MYCBP2: variants seen among roughly 807,000 people sequenced by gnomAD.
The protein encoded by MYCBP2 is E3 ubiquitin-protein ligase MYCBP2.
MYCBP2 carries 120 observed loss-of-function variants against 525.3 expected under a neutral mutation model. The ratio of observed to expected loss-of-function variants is 0.23; its 90% CI spans 0.20 to 0.27. The LOEUF (loss-of-function observed/expected upper bound fraction) is 0.27. Among genes scored for constraint, MYCBP2 ranks in the 10% least tolerant of loss-of-function variants. The pLI, the probability that MYCBP2 is intolerant of heterozygous loss-of-function variation, is 1.00. For missense variants in MYCBP2, 4,149 were observed against 5,657.1 expected, an observed-to-expected ratio of 0.73 and a Z score of 8.55; for synonymous variants, 1,894 against 1,955.8, an observed-to-expected ratio of 0.97 and a Z score of 0.83.
intron 1 of MYCBP2, among the ~76,000 whole-genome samples, chr13:77,315,340 CAAGAA>C (rs961608696): frequency 1.3e-5 from 2 of 151,790 alleles, no homozygotes; most frequent in Non-Finnish European, 2.9e-5. Context: ...ACAGGATTAG[CAAGAA>C]AAGAAAAGAA....
At chr13:77,269,221 G>C (rs1044259216) in intron 7 of MYCBP2, among the ~76,000 whole-genome samples, 1 of 152,186 alleles carries the variant, frequency 6.6e-6, no homozygotes, top group Non-Finnish European at 1.5e-5. Flanking sequence ...CATGCAGGTA[G>C]CTGTCTACTG....
intron 59 of MYCBP2, among the ~76,000 whole-genome samples, chr13:77,092,853 T>TGCC (rs2045663898): frequency 6.6e-6 from 1 of 152,192 alleles, no homozygotes; most frequent in Admixed American, 6.5e-5. Flanking sequence ...GTTTAAGATT[T>TGCC]ATTTTCAATG....
In MYCBP2 at chr13:77,309,015, G is replaced by A. The variant is rs979016600; in HGVS notation, c.303-12341C>T. On this transcript the variant is annotated intron_variant, in intron 1 of 82. Transcript: ENST00000544440. ...CATAGATGTTTGCAGAAGACAGTAT[G>A]CAAATGGATGCCAAAGGGATATGGC... Among the ~76,000 whole-genome samples the A allele has an allele frequency of 3.3e-5, 5 of 152,210 alleles. No individual in the cohort carries two copies. In the East Asian group the frequency reaches 9.6e-4, roughly 29 times the overall value.
At chr13:77,314,560 A>G (rs548011248) in intron 1 of MYCBP2, among the ~76,000 whole-genome samples, 1 of 152,200 alleles carries the variant, frequency 6.6e-6, no homozygotes, top group East Asian at 1.9e-4. Context: ...CACATTCTGG[A>G]AAAGGCAAAA....
At position 77,045,757 on chromosome 13, in the gene MYCBP2, C is replaced by T. The variant is rs140450381; in HGVS notation, c.13922-264G>A. On this transcript the variant is annotated intron_variant, in intron 82 of 82. Transcript: ENST00000544440. ...GCCTAGAGAGGATCACTTCGAGCTA[C>T]AGATCTTTTTCTATTAATAAATGCA... 2.0e-4 allele frequency among the ~76,000 whole-genome samples: 31 copies of T among 152,256 alleles called. 1 individual carries two copies. The East Asian group carries it at 6.0e-3, about 29-fold the overall frequency.
At chr13:77,282,863 G>A (rs947609947) in intron 3 of MYCBP2, among the ~76,000 whole-genome samples, 12 of 152,078 alleles carry the variant, frequency 7.9e-5, no homozygotes, top group East Asian at 1.9e-4. Context: ...TTTTTCAGTC[G>A]TTATAGCCAA....
chr13:77,061,356 G>A, intron 75 of MYCBP2, 55 bp from the exon 76 acceptor site: 1 of 1,423,766 alleles, frequency 7.0e-7, no homozygotes, highest in Non-Finnish European at 9.5e-7. Context: ...CTCTGAAAGG[G>A]AGAGTATAAA....
chr13:77,057,840 T>G (rs1220793120), intron 78 of MYCBP2, among the ~76,000 whole-genome samples: 1 of 136,672 alleles, frequency 7.3e-6, no homozygotes, highest in African/African-American at 2.6e-5. Flanking sequence ...ACTGCTTTTT[T>G]TTTTTTTTTT....
intron 21 of MYCBP2, among the ~76,000 whole-genome samples, chr13:77,215,056 T>C (rs77775046): frequency 1.1e-3 from 175 of 152,176 alleles, no homozygotes; most frequent in African/African-American, 3.8e-3. Flanking sequence ...CCTCCAAGTA[T>C]GGAATGAAAG....
intron 1 of MYCBP2, among the ~76,000 whole-genome samples, chr13:77,305,593 T>C (rs2079312652): frequency 2.6e-5 from 4 of 152,132 alleles, no homozygotes; most frequent in Admixed American, 1.3e-4. Context: ...AAATGTTTAG[T>C]TGTATGACTT....
At chr13:77,293,924 A>G (rs1157639218) in intron 2 of MYCBP2, among the ~76,000 whole-genome samples, 10 of 151,818 alleles carry the variant, frequency 6.6e-5, no homozygotes, top group Admixed American at 5.9e-4. Flanking sequence ...CAGAACTGTA[A>G]GATAACGAGT....
intron 24 of MYCBP2, 65 bp downstream of exon 24, chr13:77,206,588 C>CT (rs1461312535): frequency 2.2e-6 from 3 of 1,347,238 alleles, no homozygotes; most frequent in East Asian, 2.5e-5. Flanking sequence ...TTTAAATACT[C>CT]TAAAAAAAAA....
Position 77,126,450 on chromosome 13 carries a change from C to G in MYCBP2, c.7752G>C (p.Leu2584Phe). The G allele has an allele frequency of 6.2e-7, 1 of 1,613,948 alleles. No homozygotes were observed. Among genetic ancestry groups the G allele is most frequent in the Non-Finnish European group, 8.5e-7 (1 of 1,179,882 alleles). ...CCTTGTACATGCCTGGCCCTCCTCGCAAGAATGGCATATCTTGTTCTTGCA... is the reference window on the plus strand; with the variant it reads ...CCTTGTACATGCCTGGCCCTCCTCGGAAGAATGGCATATCTTGTTCTTGCA... ...ATMQEQDMPF[L>F]RGGPGMYKVV... The change falls in exon 53 of 83, where the codon TTG becomes TTC. Residue 2584 changes from leucine (L) to phenylalanine (F), a missense_variant. By Grantham distance (22) the Leu-to-Phe change is conservative. Around this residue, in one of 21 missense-constraint regions of MYCBP2, gnomAD observed 692 missense variants for 852.7 expected, o/e 0.81. Transcript: ENST00000544440.
Position 77,181,739 on chromosome 13 carries a change from A to C in MYCBP2, c.4903T>G (p.Phe1635Val). The change falls in exon 33 of 83, where the codon TTT (phenylalanine) becomes GTT (valine). Residue 1635 changes from phenylalanine to valine, a missense_variant. Physicochemically the swap from Phe to Val is conservative, Grantham distance 50. Coordinates refer to ENST00000544440, the MANE Select transcript of MYCBP2 (RefSeq NM_015057.5). ...TCCATATGTGCCACCAAAAGGGGAA[A>C]ACGATGAACTAGTGTTGAGTCGTTC... Reference protein sequence around the residue: ...TENDSTLVHRFPLLVAHMEKL... With the variant: ...TENDSTLVHRVPLLVAHMEKL... 1 of 1,614,080 alleles carries C rather than the reference A, an allele frequency of 6.2e-7. No homozygotes were observed. The highest frequency in any genetic ancestry group is 8.5e-7 in the Non-Finnish European group (1 of 1,179,972).
intron 44 of MYCBP2, among the ~76,000 whole-genome samples, chr13:77,161,371 C>T (rs548698288): frequency 2.2e-4 from 33 of 152,106 alleles, no homozygotes; most frequent in African/African-American, 6.7e-4. Flanking sequence ...AATGCCTAAA[C>T]GAGCAAAAAA....
intron 1 of MYCBP2, among the ~76,000 whole-genome samples, chr13:77,300,874 C>T (rs138274825): frequency 2.6e-5 from 4 of 152,276 alleles, no homozygotes; most frequent in Non-Finnish European, 4.4e-5. Flanking sequence ...AAGAGCACTT[C>T]CAAGGCAGCT....
chr13:77,167,407 C>T (rs531920420), intron 40 of MYCBP2, among the ~76,000 whole-genome samples: 1 of 152,172 alleles, frequency 6.6e-6, no homozygotes, highest in Non-Finnish European at 1.5e-5. Context: ...AAAGAACCAG[C>T]AGGTAAGCTG....
intron 49 of MYCBP2, among the ~76,000 whole-genome samples, chr13:77,143,072 T>G (rs2054943199): frequency 6.6e-6 from 1 of 152,216 alleles, no homozygotes; most frequent in African/African-American, 2.4e-5. Context: ...GTTTTCTCCT[T>G]GTTATCCTAT....
chr13:77,088,882 C>T lies in MYCBP2; in HGVS notation c.10675G>A (p.Ala3559Thr), dbSNP rs749297585. 1 of 1,613,164 alleles carries T rather than the reference C, an allele frequency of 6.2e-7. No homozygotes were observed. The change falls in exon 61 of 83, where the codon GCA becomes ACA. Residue 3559 changes from alanine to threonine, a missense_variant. Around this residue, in one of 21 missense-constraint regions of MYCBP2, gnomAD observed 509 missense variants for 789.4 expected, o/e 0.64. Transcript: ENST00000544440. ...QHHDLEGLEI[A>T]MKQALRKSAC... ...GATTTCCTTAGGGCCTGTTTCATTG[C>T]TATTTCAAGACCTTCTAGATCATGA...
Sources: allele counts gnomAD v4.1 joint callset (sites outside exome capture counted in the v4.1 genomes callset), GRCh38; gene constraint gnomAD v4.1.1; regional missense constraint gnomAD v4.1.1; transcripts MANE v1.5; gene names NCBI Gene and HGNC (gene_info 2026-07-23, HGNC 2026-07-21).